The following PLCL2 variants were observed in gnomAD, a reference collection of about 807,000 sequenced individuals.
PLCL2 encodes inactive phospholipase C-like protein 2.
Under a neutral mutation model 79.6 loss-of-function variants are expected in PLCL2, and 4 were observed. That is an observed-to-expected ratio of 0.05 (90% CI 0.02 to 0.11). The LOEUF is 0.11. Among genes scored for constraint, PLCL2 ranks in the 10% least tolerant of loss-of-function variants. The pLI is 1.00. For missense variants in PLCL2, 895 were observed against 1,291.0 expected (o/e 0.69, Z 4.70); for synonymous variants, 484 against 457.7 (o/e 1.06, Z -0.73).
At chr3:16,975,819 C>G (rs866388915) in intron 1 of PLCL2, among the ~76,000 whole-genome samples, 20 of 152,150 alleles carry the variant, frequency 1.3e-4, no homozygotes, top group African/African-American at 4.3e-4. Context: ...GCCATCATGA[C>G]CTGCCTGAGA....
intron 4 of PLCL2, among the ~76,000 whole-genome samples, chr3:17,056,313 A>C (rs1485012075): frequency 6.6e-6 from 1 of 151,132 alleles, no homozygotes; most frequent in African/African-American, 2.4e-5. Flanking sequence ...CCAGAAGGTT[A>C]TATATATACA....
At chr3:17,022,504 A>AAAAG (rs779365533) in intron 3 of PLCL2, among the ~76,000 whole-genome samples, 9 of 152,320 alleles carry the variant, frequency 5.9e-5, no homozygotes, top group Non-Finnish European at 1.2e-4. Flanking sequence ...AAATTTAAAA[A>AAAAG]AAAGAAAGAA....
At chr3:16,951,859 T>G (rs1481371770) in intron 1 of PLCL2, among the ~76,000 whole-genome samples, 1 of 150,738 alleles carries the variant, frequency 6.6e-6, no homozygotes, top group Non-Finnish European at 1.5e-5. Flanking sequence ...GTTTTCTGTT[T>G]GGGAATGTTT....
chr3:16,975,861 C>T (rs1015636287), intron 1 of PLCL2, among the ~76,000 whole-genome samples: 1 of 152,184 alleles, frequency 6.6e-6, no homozygotes, highest in African/African-American at 2.4e-5. Context: ...CATTTGCCAG[C>T]AGGGAGACTT....
intron 2 of PLCL2, 86 bp downstream of exon 2, chr3:17,012,246 A>G: frequency 8.4e-7 from 1 of 1,196,044 alleles, no homozygotes. Context: ...TTTTTTAATA[A>G]TAGTATATTT....
intron 4 of PLCL2, among the ~76,000 whole-genome samples, chr3:17,043,170 G>A (rs2064744482): frequency 6.6e-6 from 1 of 152,156 alleles, no homozygotes; most frequent in Admixed American, 6.5e-5. Context: ...GAGGTATGGG[G>A]CTGGGAATTA....
At chr3:16,982,594 G>T (rs2064010545) in intron 1 of PLCL2, among the ~76,000 whole-genome samples, 1 of 152,164 alleles carries the variant, frequency 6.6e-6, no homozygotes, top group Admixed American at 6.5e-5. Flanking sequence ...GCCTGGGCCT[G>T]CCTGATTTGA....
chr3:16,967,158 A>G (rs1019142627), intron 1 of PLCL2, among the ~76,000 whole-genome samples: 8 of 152,042 alleles, frequency 5.3e-5, no homozygotes, highest in Non-Finnish European at 1.0e-4. Flanking sequence ...TTCTTTACCC[A>G]TTCTACTGTT....
chr3:16,897,211 A>G (rs1696503372), intron 1 of PLCL2, among the ~76,000 whole-genome samples: 1 of 152,008 alleles, frequency 6.6e-6, no homozygotes, highest in African/African-American at 2.4e-5. Context: ...TTCCTTAGTA[A>G]AATTTGGAGA....
Position 17,010,146 on chromosome 3 carries a change from T to C in PLCL2, c.800T>C (p.Met267Thr). 6.2e-7 allele frequency: 1 copy of C among 1,614,068 alleles called. No individual in the cohort carries two copies. Among genetic ancestry groups the C allele is most frequent in the Non-Finnish European group, 8.5e-7 (1 of 1,179,940 alleles). The change falls in exon 2 of 6, where the codon ATG becomes ACG. Residue 267 changes from methionine (M) to threonine (T), a missense_variant. Around this residue, in one of 6 missense-constraint regions of PLCL2, gnomAD observed 129 missense variants for 208.8 expected, o/e 0.62. Transcript: ENST00000615277. This position sits in a 1 kb window ranked among gnomAD's most constrained non-coding sequence, Gnocchi z 5.8. ...ATGTTAGAAAGTAGCCAAGATAACA[T>C]GAGGACTTCTTGGGTTTCACAAATG... ...LDMLESSQDNMRTSWVSQMFS... is the reference protein window; with the variant it reads ...LDMLESSQDNTRTSWVSQMFS...
chr3:16,916,561 G>C (rs1361052345), intron 1 of PLCL2, among the ~76,000 whole-genome samples: 2 of 152,158 alleles, frequency 1.3e-5, no homozygotes, highest in African/African-American at 4.8e-5. Flanking sequence ...AGAGCACCCA[G>C]TATGTCAAAG....
chr3:16,898,971 TTTGGCAGTAATAC>T (rs1365377893), intron 1 of PLCL2, among the ~76,000 whole-genome samples: 1 of 152,216 alleles, frequency 6.6e-6, no homozygotes, highest in African/African-American at 2.4e-5. Context: ...TGGCAGGCCA[TTTGGCAGTAATAC>T]TTGGCAGTAA....
intron 1 of PLCL2, among the ~76,000 whole-genome samples, chr3:16,900,819 C>A (rs1264846825): frequency 1.3e-5 from 2 of 152,182 alleles, no homozygotes; most frequent in Non-Finnish European, 2.9e-5. Flanking sequence ...GCTTTGGACT[C>A]AGATCTGCTG....
intron 1 of PLCL2, among the ~76,000 whole-genome samples, chr3:16,958,172 G>C (rs140219216): frequency 7.0e-4 from 107 of 152,248 alleles, no homozygotes; most frequent in African/African-American, 2.3e-3. Context: ...GGTACTGATA[G>C]TTCCTTTCCA....
intron 1 of PLCL2, among the ~76,000 whole-genome samples, chr3:16,893,352 T>G (rs1013426993): frequency 6.6e-6 from 1 of 152,244 alleles, no homozygotes; most frequent in Non-Finnish European, 1.5e-5. Flanking sequence ...GGTGGGCTTC[T>G]TCTATTATTG....
intron 1 of PLCL2, among the ~76,000 whole-genome samples, chr3:16,904,832 C>T (rs1164222326): frequency 6.6e-6 from 1 of 152,138 alleles, no homozygotes; most frequent in African/African-American, 2.4e-5. Context: ...TTTCCCTCAC[C>T]TTAGCTCTGT....
In PLCL2 at chr3:16,900,506, G is replaced by T. The variant is rs144044372; in HGVS notation, c.327+15140G>T. ...TTGAAATAAAGCTATATGTTGATTT[G>T]CTCATTTCATTAGGATTATTATCCT... On this transcript the variant is annotated intron_variant, in intron 1 of 5. Transcript: ENST00000615277. Among the ~76,000 whole-genome samples the T allele has an allele frequency of 1.4e-3, 206 of 152,124 alleles. 1 individual carries two copies. Among genetic ancestry groups the T allele is most frequent in the African/African-American group, 4.8e-3 (201 of 41,492 alleles).
rs1471512876 is a variant in PLCL2 at position 16,885,306 on chromosome 3, C to T, written c.267C>T (p.Val89=). 1.5e-6 allele frequency: 1 copy of T among 669,822 alleles called. No homozygotes were observed. The highest frequency in any genetic ancestry group is 1.8e-5 in the African/African-American group (1 of 54,736). The allele number at this position is 669,822 out of a possible 1,614,324, so 41.5% of individuals were successfully genotyped here. A position where few individuals can be genotyped will look rare whatever the true frequency, so the allele number is the denominator to read the frequency against. ...TCGCCCCGACCCCCAGCGCGGTCGT[C>T]TGTACCCTCCCCCGGGAGAGCAAGC... ...VALAPTPSAV[V]CTLPRESKPG... The change falls in exon 1 of 6, where the codon GTC becomes GTT. Residue 89 remains valine (V), a synonymous_variant. Coordinates refer to ENST00000615277, the MANE Select transcript of PLCL2 (RefSeq NM_001144382.2).
At chr3:16,990,737 G>A (rs2064096807) in intron 1 of PLCL2, among the ~76,000 whole-genome samples, 1 of 152,192 alleles carries the variant, frequency 6.6e-6, no homozygotes, top group African/African-American at 2.4e-5. Context: ...TTATAAAATA[G>A]CAGCTGAGGT....
Sources: allele counts gnomAD v4.1 joint callset (sites outside exome capture counted in the v4.1 genomes callset), GRCh38; gene constraint gnomAD v4.1.1; regional missense constraint gnomAD v4.1.1; non-coding constraint Gnocchi (gnomAD v3.1); transcripts MANE v1.5; gene names NCBI Gene and HGNC (gene_info 2026-07-23, HGNC 2026-07-21).